ZNF543: variants seen among roughly 807,000 people sequenced by gnomAD.
The protein encoded by ZNF543 is zinc finger protein 543.
ZNF543 carries 10 observed loss-of-function variants against 13.4 expected under a neutral mutation model. The ratio of observed to expected loss-of-function variants is 0.75; its 90% CI spans 0.46 to 1.26. ZNF543 has a LOEUF of 1.26. Among genes scored for constraint, ZNF543 ranks in the 50% most tolerant of loss-of-function variants. The pLI is 0.00. For missense variants in ZNF543, 768 were observed against 741.2 expected (o/e 1.04, Z -0.42); for synonymous variants, 272 against 264.7 (o/e 1.03, Z -0.27).
chr19:57,329,897 A>C lies in ZNF543; in HGVS notation c.*632A>C, dbSNP rs1262862388. ...TCTTTTAGACTTGTCTGACAAGCCT[A>C]TGGCAATTTTGTCGTCCCTTTGTTA... On this transcript the variant is annotated 3_prime_UTR_variant, in exon 4 of 4. Coordinates refer to ENST00000321545, the MANE Select transcript of ZNF543 (RefSeq NM_213598.4). 1 of 152,254 alleles carries C rather than the reference A, an allele frequency of 6.6e-6. No individual in the cohort carries two copies. The highest frequency in any genetic ancestry group is 1.5e-5 in the Non-Finnish European group (1 of 68,056). The allele number at this position is 152,254 out of a possible 1,614,324, so 9.4% of individuals were successfully genotyped here. A position where few individuals can be genotyped will look rare whatever the true frequency, so the allele number is the denominator to read the frequency against.
chr19:57,323,441 CAT>C (rs2088102069), intron 1 of ZNF543, among the ~76,000 whole-genome samples: 1 of 152,164 alleles, frequency 6.6e-6, no homozygotes, highest in East Asian at 1.9e-4. Flanking sequence ...ATCTGCCCTT[CAT>C]GGCCCCCCAA....
At position 57,329,414 on chromosome 19, in the gene ZNF543, GA is replaced by G. The variant is rs2088148531; in HGVS notation, c.*151del. On this transcript the variant is annotated 3_prime_UTR_variant, in exon 4 of 4. Transcript: ENST00000321545. ...GCCTGGAGTCTTATTCTCCACCTGA[GA>G]ATTCACCCATGAGAGAGACCCAGTG... The G allele has an allele frequency of 9.1e-7, 1 of 1,099,756 alleles. No individual in the cohort carries two copies. The highest frequency in any genetic ancestry group is 1.6e-5 in the African/African-American group (1 of 63,646). 68.1% of individuals were successfully genotyped at this position (1,099,756 alleles called of 1,614,324 possible).
At chr19:57,327,296 C>G (rs2088127483) in intron 3 of ZNF543, among the ~76,000 whole-genome samples, 2 of 149,720 alleles carry the variant, frequency 1.3e-5, no homozygotes, top group Non-Finnish European at 3.0e-5. Flanking sequence ...TGTAGTGTTT[C>G]ACTTCATCTT....
Position 57,328,112 on chromosome 19 carries a change from A to C in ZNF543, c.650A>C (p.His217Pro). The change falls in exon 4 of 4, where the codon CAT becomes CCT. Residue 217 changes from histidine (H) to proline (P), a missense_variant. By Grantham distance (77) the His-to-Pro change is moderately conservative. Coordinates refer to ENST00000321545, the MANE Select transcript of ZNF543 (RefSeq NM_213598.4). The part of the protein sequence containing the change: ...VFKKNALLVQ[H>P]ERIHTQVKPY... ...AAAAAGAATGCCCTCCTTGTTCAGC[A>C]TGAACGGATTCACACTCAAGTGAAG... 6.2e-7 allele frequency: 1 copy of C among 1,614,280 alleles called. No homozygotes were observed. The highest frequency in any genetic ancestry group is 1.6e-4 in the Middle Eastern group (1 of 6,062).
At chr19:57,324,207 C>G (rs369630537) in intron 2 of ZNF543, among the ~76,000 whole-genome samples, 1 of 151,896 alleles carries the variant, frequency 6.6e-6, no homozygotes, top group African/African-American at 2.4e-5. Context: ...AAAAATTAGC[C>G]GGGTGTGATG....
chr19:57,327,174 A>G (rs952591002), intron 3 of ZNF543, among the ~76,000 whole-genome samples: 4 of 151,870 alleles, frequency 2.6e-5, no homozygotes, highest in Non-Finnish European at 5.9e-5. Context: ...AAATTTAAGT[A>G]CTTCCAAGTT....
chr19:57,325,355 G>A (rs2122938084), intron 2 of ZNF543, among the ~76,000 whole-genome samples: 1 of 152,264 alleles, frequency 6.6e-6, no homozygotes, highest in South Asian at 2.1e-4. Flanking sequence ...GGGTCCTACT[G>A]CCTGTGCCAT....
intron 1 of ZNF543, among the ~76,000 whole-genome samples, chr19:57,322,868 C>T (rs1481471241): frequency 6.6e-6 from 1 of 152,096 alleles, no homozygotes; most frequent in African/African-American, 2.4e-5. Flanking sequence ...AATGAGATTT[C>T]CAAGGTCACA....
rs1289864929 is a variant in ZNF543, at chr19:57,320,754, G to A, written c.-100G>A. The stretch of plus-strand genomic sequence containing the variant: ...CTCTGGGGAAACTGAGGCTCCGAGT[G>A]CGAAAGTCAGCCGAGGTCGCCCCGC... On this transcript the variant is annotated 5_prime_UTR_variant, in exon 1 of 4. Coordinates refer to ENST00000321545, the MANE Select transcript of ZNF543 (RefSeq NM_213598.4). The A allele has an allele frequency of 1.4e-6, 2 of 1,462,276 alleles. No homozygotes were observed. Among genetic ancestry groups the A allele is most frequent in the Non-Finnish European group, 1.9e-6 (2 of 1,073,796 alleles). 90.6% of individuals were successfully genotyped at this position (1,462,276 alleles called of 1,614,324 possible).
chr19:57,323,163 A>G (rs536921653), intron 1 of ZNF543, among the ~76,000 whole-genome samples: 3 of 150,548 alleles, frequency 2.0e-5, no homozygotes, highest in Admixed American at 1.3e-4. Flanking sequence ...GGCTTTCTGC[A>G]TAGGAGGCTT....
intron 2 of ZNF543, 79 bp from the exon 3 acceptor site, chr19:57,326,554 C>A: frequency 2.8e-6 from 3 of 1,072,216 alleles, no homozygotes; most frequent in East Asian, 2.4e-5. Flanking sequence ...TCTTCCCCAT[C>A]CTGCAGTCCC....
At chr19:57,325,074 C>G (rs2190690) in intron 2 of ZNF543, among the ~76,000 whole-genome samples, 111,470 of 152,052 alleles carry the variant, frequency 0.73, 41,003 homozygotes, top group African/African-American at 0.75. Flanking sequence ...GCCACAGCAG[C>G]AAAGTCTCTC....
chr19:57,328,774 T>C lies in ZNF543; in HGVS notation c.1312T>C (p.Phe438Leu). The change falls in exon 4 of 4, where the codon TTT (phenylalanine) becomes CTT (leucine). Residue 438 changes from phenylalanine (F) to leucine (L), a missense_variant. Around this residue, in one of 3 missense-constraint regions of ZNF543, gnomAD observed 677 missense variants for 631.4 expected, o/e 1.07. Coordinates refer to ENST00000321545, the MANE Select transcript of ZNF543 (RefSeq NM_213598.4). ...AAAGGCCTTCACCCACTGCTCCACT[T>C]TTGTCTTGCATAAAAGGACCCACAC... Reference protein sequence around the residue: ...CGKAFTHCSTFVLHKRTHTGE... With the variant: ...CGKAFTHCSTLVLHKRTHTGE... 6.2e-7 allele frequency: 1 copy of C among 1,613,174 alleles called. No homozygotes were observed. The highest frequency in any genetic ancestry group is 8.5e-7 in the Non-Finnish European group (1 of 1,179,842).
Position 57,330,438 on chromosome 19 carries a change from A to G in ZNF543, c.*1173A>G, listed in dbSNP as rs141791543. On this transcript the variant is annotated 3_prime_UTR_variant, in exon 4 of 4. Transcript: ENST00000321545. ...CTAAAGGTCAAATTAAGGCCCCCCC[A>G]AAAATACAGTATGTAGCTGAATTCC... The G allele has an allele frequency of 4.5e-3, 685 of 152,220 alleles. 6 individuals carry two copies. The highest frequency in any genetic ancestry group is 0.015 in the African/African-American group (628 of 41,536). 9.4% of individuals were successfully genotyped at this position (152,220 alleles called of 1,614,324 possible).
At chr19:57,324,254 G>A (rs2088107865) in intron 2 of ZNF543, among the ~76,000 whole-genome samples, 1 of 151,616 alleles carries the variant, frequency 6.6e-6, no homozygotes, top group African/African-American at 2.4e-5. Context: ...AGGAGGCTGA[G>A]GCAGGAGAAT....
rs992963777 is a variant in ZNF543 at position 57,330,751 on chromosome 19, A to G, written c.*1486A>G. 1 of 152,112 alleles carries G rather than the reference A, an allele frequency of 6.6e-6. No homozygotes were observed. The highest frequency in any genetic ancestry group is 6.5e-5 in the Admixed American group (1 of 15,272). 9.4% of individuals were successfully genotyped at this position (152,112 alleles called of 1,614,324 possible). A position where few individuals can be genotyped will look rare whatever the true frequency, so the allele number is the denominator to read the frequency against. ...AAATATATTGTACAGAAGTAAAAAT[A>G]ATCATGTATTCACTTTGAACTCCTC... On this transcript the variant is annotated 3_prime_UTR_variant, in exon 4 of 4. Transcript: ENST00000321545.
At chr19:57,325,960 G>T (rs1737714236) in intron 2 of ZNF543, among the ~76,000 whole-genome samples, 1 of 152,176 alleles carries the variant, frequency 6.6e-6, no homozygotes, top group South Asian at 2.1e-4. Context: ...GGAGTGGCTG[G>T]TATAGGTCAC....
At chr19:57,323,529 C>T (rs4801465) in intron 1 of ZNF543, 153 bp from the exon 2 acceptor site, 1 of 992,620 alleles carries the variant, frequency 1.0e-6, no homozygotes, top group Non-Finnish European at 1.6e-6. Flanking sequence ...TGTCCACATT[C>T]CCCTCATGCC....
chr19:57,327,467 C>T, intron 3 of ZNF543, among the ~76,000 whole-genome samples: 1 of 148,704 alleles, frequency 6.7e-6, no homozygotes, highest in African/African-American at 2.5e-5. Flanking sequence ...GCCTCAGCCT[C>T]CTGAGTAGCT....
Sources: allele counts gnomAD v4.1 joint callset (sites outside exome capture counted in the v4.1 genomes callset), GRCh38; gene constraint gnomAD v4.1.1; regional missense constraint gnomAD v4.1.1; transcripts MANE v1.5; gene names NCBI Gene and HGNC (gene_info 2026-07-23, HGNC 2026-07-21).